The following ACACA variants were observed in gnomAD, a reference collection of about 807,000 sequenced individuals.
ACACA encodes the protein acetyl-CoA carboxylase alpha, also known as acetyl-CoA carboxylase 1.
A neutral mutation model predicts 296.1 loss-of-function variants in ACACA; 103 were observed. The observed-to-expected ratio is 0.35, with a 90% confidence interval of 0.30 to 0.41. The LOEUF is 0.41. Among genes scored for constraint, ACACA ranks in the 10% least tolerant of loss-of-function variants. The pLI, the probability that ACACA is intolerant of heterozygous loss-of-function variation, is 1.00. For synonymous variants in ACACA, 953 were observed against 1,038.6 expected, an observed-to-expected ratio of 0.92 and a Z score of 1.58; for missense variants, 1,554 against 2,989.7, an observed-to-expected ratio of 0.52 and a Z score of 11.20.
chr17:37,200,314 G>A, intron 34 of ACACA, 113 bp downstream of exon 34: 1 of 1,350,842 alleles, frequency 7.4e-7, no homozygotes, highest in East Asian at 2.3e-5. Context: ...ACAGAAAAGT[G>A]GTTATTTCTC....
chr17:37,364,046 C>G (rs1486327508), intron 1 of ACACA, among the ~76,000 whole-genome samples: 1 of 152,042 alleles, frequency 6.6e-6, no homozygotes, highest in African/African-American at 2.4e-5. Flanking sequence ...TTGTTTGAAC[C>G]CAGGAGGCAG....
rs567577418 is a variant in ACACA, at chr17:37,179,506, A to G, written c.4933-100T>C. On this transcript the variant is annotated intron_variant, in intron 40 of 55. Transcript: ENST00000616317. ...TCAATCTGGTTTTGCCTTCTTTTCC[A>G]AGTGTTCTGCAGAGTGTAAACATTA... The G allele has an allele frequency of 4.5e-6, 6 of 1,330,494 alleles. No homozygotes were observed. In the Admixed American group the frequency reaches 1.1e-4, roughly 24 times the overall value. The allele number at this position is 1,330,494 out of a possible 1,614,324, so 82.4% of individuals were successfully genotyped here.
At chr17:37,174,109 C>T (rs2077018269) in intron 41 of ACACA, among the ~76,000 whole-genome samples, 1 of 142,310 alleles carries the variant, frequency 7.0e-6, no homozygotes, top group Non-Finnish European at 1.5e-5. Context: ...GATCCGCCGA[C>T]CTTGGTCTCC....
chr17:37,096,735 T>G (rs1317479703), intron 54 of ACACA, among the ~76,000 whole-genome samples: 2 of 152,296 alleles, frequency 1.3e-5, no homozygotes, highest in South Asian at 2.1e-4. Flanking sequence ...GCAAATGCAG[T>G]GTCTAGTACC....
At chr17:37,390,148 A>AG (rs2050740120) in intron 1 of ACACA, among the ~76,000 whole-genome samples, 2 of 26,976 alleles carry the variant, frequency 7.4e-5, no homozygotes, top group African/African-American at 6.3e-4. Context: ...AAGTATATAT[A>AG]TATATATATA....
intron 43 of ACACA, among the ~76,000 whole-genome samples, chr17:37,152,509 A>G (rs887726678): frequency 3.3e-5 from 5 of 152,166 alleles, no homozygotes; most frequent in African/African-American, 1.2e-4. Context: ...AATATCAAGT[A>G]TATACACAAG....
rs67821579 is a variant in ACACA, at chr17:37,185,402, C to CTTTT, written c.4776+2871_4776+2874dup. ...TGCATGACACCATGCCTGGCTATTT[C>CTTTT]TTTTTTTTTTTTTTTTTTTTTTTTT... is the stretch of plus-strand genomic sequence containing the variant. On this transcript the variant is annotated intron_variant, in intron 39 of 55. Transcript: ENST00000616317. Among the ~76,000 whole-genome samples the CTTTT allele has an allele frequency of 1.0e-3, 49 of 48,436 alleles. 9 individuals carry two copies. The highest frequency in any genetic ancestry group is 3.7e-3 in the African/African-American group (40 of 10,844). 31.8% of individuals were successfully genotyped at this position (48,436 alleles called of 152,430 possible).
intron 52 of ACACA, among the ~76,000 whole-genome samples, chr17:37,105,038 C>T (rs2073596266): frequency 6.6e-6 from 1 of 150,728 alleles, no homozygotes; most frequent in East Asian, 2.0e-4. Flanking sequence ...AGCCATATCA[C>T]TTAAATAGGC....
At position 37,093,113 on chromosome 17, in the gene ACACA, T is replaced by C. The variant is rs144924159; in HGVS notation, c.6891+3883A>G. 3.7e-3 allele frequency among the ~76,000 whole-genome samples: 563 copies of C among 152,222 alleles called. 3 individuals carry two copies. Among genetic ancestry groups the C allele is most frequent in the Non-Finnish European group, 6.3e-3 (431 of 68,014 alleles). ...GCCTGGCCCTGTGTGAGAAGTTTGG[T>C]GTATGAGACTTATTCATCAGTAGCC... On this transcript the variant is annotated intron_variant, in intron 54 of 55. Coordinates refer to ENST00000616317, the MANE Select transcript of ACACA (RefSeq NM_198834.3).
intron 52 of ACACA, 21 bp from the exon 53 acceptor site, chr17:37,098,005 C>A (rs1463873738): frequency 1.2e-6 from 2 of 1,614,022 alleles, no homozygotes; most frequent in Non-Finnish European, 1.7e-6. Context: ...ATAAACATGC[C>A]CGTCACACTC....
intron 35 of ACACA, among the ~76,000 whole-genome samples, chr17:37,194,281 G>A (rs923795259): frequency 3.9e-5 from 6 of 152,140 alleles, no homozygotes; most frequent in African/African-American, 1.4e-4. Context: ...ACAAGGCAGA[G>A]AGACCGGGAC....
intron 10 of ACACA, among the ~76,000 whole-genome samples, chr17:37,269,405 A>G (rs2081967419): frequency 6.6e-6 from 1 of 152,216 alleles, no homozygotes; most frequent in African/African-American, 2.4e-5. Flanking sequence ...ACCTAACCTA[A>G]TGAACACCAT....
intron 41 of ACACA, among the ~76,000 whole-genome samples, chr17:37,174,931 G>T (rs370715451): frequency 6.6e-6 from 1 of 152,056 alleles, no homozygotes; most frequent in East Asian, 1.9e-4. Context: ...TATACATCTT[G>T]TACCTAATTA....
chr17:37,274,435 C>A, intron 8 of ACACA, 136 bp from the exon 9 acceptor site: 1 of 1,029,356 alleles, frequency 9.7e-7, no homozygotes, highest in Non-Finnish European at 1.5e-6. Flanking sequence ...TGCCATAAAA[C>A]CCTGATCAGT....
At position 37,390,610 on chromosome 17, in the gene ACACA, G is replaced by C. The variant is rs541256358; in HGVS notation, c.38+15652C>G. ...CCACTATACTCCAGCCTGGGTGACA[G>C]AGCAAGACTCCGTCTCAAAAAGAGA... On this transcript the variant is annotated intron_variant, in intron 1 of 55. Coordinates refer to ENST00000616317, the MANE Select transcript of ACACA (RefSeq NM_198834.3). Among the ~76,000 whole-genome samples the C allele has an allele frequency of 8.0e-4, 120 of 149,550 alleles. 1 individual carries two copies. Among genetic ancestry groups the C allele is most frequent in the African/African-American group, 2.9e-3 (117 of 40,592 alleles).
intron 1 of ACACA, among the ~76,000 whole-genome samples, chr17:37,371,370 G>A (rs1221701542): frequency 6.6e-6 from 1 of 151,784 alleles, no homozygotes; most frequent in African/African-American, 2.4e-5. Flanking sequence ...GAGCCACGAC[G>A]CCCGGCTGAT....
At chr17:37,185,337 A>G (rs1567780988) in intron 39 of ACACA, among the ~76,000 whole-genome samples, 2 of 147,168 alleles carry the variant, frequency 1.4e-5, no homozygotes, top group African/African-American at 5.0e-5. Flanking sequence ...GGCCCAAGTG[A>G]TACTTCTGCC....
intron 1 of ACACA, among the ~76,000 whole-genome samples, chr17:37,393,031 A>G (rs1022393757): frequency 4.6e-5 from 7 of 151,686 alleles, no homozygotes; most frequent in African/African-American, 1.5e-4. Context: ...AATCTCAGCT[A>G]CTGGGGAGGC....
chr17:37,206,905 C>T (rs1214009562), intron 31 of ACACA, 26 bp from the exon 32 acceptor site: 4 of 1,574,802 alleles, frequency 2.5e-6, no homozygotes, highest in African/African-American at 2.7e-5. Flanking sequence ...GAAACACCCA[C>T]CATGAAAACT....
Sources: gnomAD v4.1 joint callset for allele counts (sites outside exome capture counted in the v4.1 genomes callset) on GRCh38, gnomAD v4.1.1 for gene constraint, MANE v1.5 for transcripts, NCBI Gene and HGNC (gene_info 2026-07-23, HGNC 2026-07-21) for gene names.